Variants in DCHS2 observed in about 807,000 individuals in gnomAD.
The protein encoded by DCHS2 is dachsous cadherin-related 2.
A neutral mutation model predicts 182.4 loss-of-function variants in DCHS2; 142 were observed. The observed-to-expected ratio is 0.78, with a 90% CI of 0.68 to 0.89. The LOEUF (loss-of-function observed/expected upper bound fraction) is 0.89, where lower values mean the gene tolerates loss of function less well. Ranked by LOEUF, DCHS2 falls within the 40% of genes least tolerant of loss-of-function variation. The pLI, the probability that DCHS2 is intolerant of heterozygous loss-of-function variation, is 0.00. For synonymous variants in DCHS2, 1,740 were observed against 1,663.3 expected (o/e 1.05, Z -1.12); for missense variants, 4,319 against 4,198.6 (o/e 1.03, Z -0.79).
chr4:154,490,872 C>T lies in DCHS2; in HGVS notation c.484G>A (p.Asp162Asn). 3 of 1,551,544 alleles carry T rather than the reference C, an allele frequency of 1.9e-6. No individual in the cohort carries two copies. Among genetic ancestry groups the T allele is most frequent in the Non-Finnish European group, 2.6e-6 (3 of 1,146,926 alleles). ...QVEIRVNDVN[D>N]HSPRFPLDSL... ...TCGAGGGGAAAGCGGGGCGAGTGGTCATTCACGTCGTTGACGCGAATCTCC... is the reference window on the plus strand; with the variant it reads ...TCGAGGGGAAAGCGGGGCGAGTGGTTATTCACGTCGTTGACGCGAATCTCC... The change falls in exon 1 of 20, where the codon GAC (aspartate) becomes AAC (asparagine). Residue 162 changes from aspartate to asparagine, a missense_variant. Coordinates refer to ENST00000357232, the MANE Select transcript of DCHS2 (RefSeq NM_001358235.2).
At position 154,236,640 on chromosome 4, in the gene DCHS2, T is replaced by C. The variant is rs752553780; in HGVS notation, c.8012A>G (p.His2671Arg). Residue 2671 changes from histidine (H) to arginine (R), a missense_variant, in exon 20 of 20, where the codon CAC (histidine) becomes CGC (arginine). Coordinates refer to ENST00000357232, the MANE Select transcript of DCHS2 (RefSeq NM_001358235.2). ...NPPNFSSLSYHTHVKESTPLG... is the reference protein window; with the variant it reads ...NPPNFSSLSYRTHVKESTPLG... Reference sequence around the variant, plus strand: ...AGGGGTGCTTTCCTTGACATGGGTGTGATAGCTCAGGCTGCTGAAGTTTGG... The same window carrying C: ...AGGGGTGCTTTCCTTGACATGGGTGCGATAGCTCAGGCTGCTGAAGTTTGG... 6.2e-7 allele frequency: 1 copy of C among 1,614,008 alleles called. No individual in the cohort carries two copies. The highest frequency in any genetic ancestry group is 1.1e-5 in the South Asian group (1 of 91,072).
intron 1 of DCHS2, among the ~76,000 whole-genome samples, chr4:154,475,386 A>G (rs1471466220): frequency 6.6e-6 from 1 of 152,230 alleles, no homozygotes; most frequent in African/African-American, 2.4e-5. Context: ...CCCTTGGAGA[A>G]CAATATAAAG....
chr4:154,408,889 A>T (rs1732509236), intron 1 of DCHS2, among the ~76,000 whole-genome samples: 1 of 152,170 alleles, frequency 6.6e-6, no homozygotes, highest in South Asian at 2.1e-4. Flanking sequence ...CACTGGGAAC[A>T]TCTGAGGTTC....
At chr4:154,364,282 C>T (rs1289755109) in intron 3 of DCHS2, among the ~76,000 whole-genome samples, 1 of 152,192 alleles carries the variant, frequency 6.6e-6, no homozygotes, top group Non-Finnish European at 1.5e-5. Context: ...AAACAGAATA[C>T]AGTATAACTC....
At chr4:154,291,324 CCTTATACG>C (rs1260547280) in intron 13 of DCHS2, among the ~76,000 whole-genome samples, 2 of 151,868 alleles carry the variant, frequency 1.3e-5, no homozygotes, top group East Asian at 3.9e-4. Flanking sequence ...AAAGGGGAAT[CCTTATACG>C]CTGTTGGTGG....
intron 1 of DCHS2, among the ~76,000 whole-genome samples, chr4:154,466,911 A>G (rs1479465246): frequency 2.0e-5 from 3 of 152,208 alleles, no homozygotes; most frequent in East Asian, 1.9e-4. Context: ...CTTTACTGGC[A>G]TATAAGTAAT....
At chr4:154,300,687 G>A (rs1262322310) in intron 12 of DCHS2, among the ~76,000 whole-genome samples, 4 of 151,788 alleles carry the variant, frequency 2.6e-5, no homozygotes, top group African/African-American at 7.3e-5. Context: ...GCACAGCCTT[G>A]GTGACAGATC....
intron 3 of DCHS2, among the ~76,000 whole-genome samples, chr4:154,337,847 T>C (rs1004062981): frequency 6.6e-6 from 1 of 151,980 alleles, no homozygotes; most frequent in African/African-American, 2.4e-5. Context: ...TTCAAGCGAT[T>C]CTTCTGCCTC....
At chr4:154,321,347 A>G (rs1448662263) in intron 8 of DCHS2, 125 bp from the exon 9 acceptor site, 1 of 1,074,474 alleles carries the variant, frequency 9.3e-7, no homozygotes, top group Non-Finnish European at 1.2e-6. Flanking sequence ...AATTAGTGAG[A>G]AAAATGTCAT....
intron 1 of DCHS2, among the ~76,000 whole-genome samples, chr4:154,388,651 C>T (rs1292043454): frequency 5.3e-5 from 8 of 151,846 alleles, no homozygotes; most frequent in South Asian, 4.2e-4. Context: ...CACATCACCA[C>T]GGCTGTCTAA....
chr4:154,431,292 G>T lies in DCHS2; in HGVS notation c.2053-53848C>A, dbSNP rs7677032. Among the ~76,000 whole-genome samples the T allele has an allele frequency of 2.6e-5, 4 of 152,158 alleles. No homozygotes were observed. In the East Asian group the frequency reaches 7.7e-4, roughly 29 times the overall value. On this transcript the variant is annotated intron_variant, in intron 1 of 19. Transcript: ENST00000357232. ...TGGGGATCCTGTTTACTGAAACAAG[G>T]CAGTGTGTATGACTTAAAGAAATCA...
chr4:154,309,311 G>T (rs1048304190), intron 10 of DCHS2, among the ~76,000 whole-genome samples: 2 of 152,134 alleles, frequency 1.3e-5, no homozygotes, highest in Non-Finnish European at 2.9e-5. Flanking sequence ...CTCTCCTAGG[G>T]TTTGCCACAA....
chr4:154,306,482 C>G (rs1325024603), intron 10 of DCHS2, among the ~76,000 whole-genome samples: 4 of 151,862 alleles, frequency 2.6e-5, no homozygotes, highest in African/African-American at 9.7e-5. Flanking sequence ...ATTTGTTATT[C>G]CTATCTCTGC....
At chr4:154,294,950 G>C (rs189399694) in intron 13 of DCHS2, among the ~76,000 whole-genome samples, 1 of 152,264 alleles carries the variant, frequency 6.6e-6, no homozygotes, top group African/African-American at 2.4e-5. Flanking sequence ...TTACAACTTC[G>C]CTTCTTGTGT....
intron 7 of DCHS2, chr4:154,323,058 T>C: frequency 4.0e-6 from 3 of 755,224 alleles, no homozygotes; most frequent in Non-Finnish European, 4.0e-6. Context: ...AATCTATGGA[T>C]TCCTGCCACC....
intron 1 of DCHS2, among the ~76,000 whole-genome samples, chr4:154,397,047 G>A (rs1217763441): frequency 1.3e-5 from 2 of 152,184 alleles, no homozygotes; most frequent in Non-Finnish European, 2.9e-5. Context: ...CAAAAAGTAA[G>A]ACCCATGAAT....
intron 16 of DCHS2, 128 bp downstream of exon 16, chr4:154,255,391 C>T (rs1732605746): frequency 1.6e-6 from 2 of 1,260,564 alleles, no homozygotes; most frequent in Admixed American, 3.4e-5. Context: ...AGAATATCAA[C>T]AAGTTGGATC....
At chr4:154,267,827 T>C (rs1461458908) in intron 14 of DCHS2, among the ~76,000 whole-genome samples, 1 of 152,178 alleles carries the variant, frequency 6.6e-6, no homozygotes, top group East Asian at 1.9e-4. Flanking sequence ...TCTCCAGTAG[T>C]TTTTGTATTT....
chr4:154,370,008 A>G (rs905337204), intron 2 of DCHS2, among the ~76,000 whole-genome samples: 4 of 152,192 alleles, frequency 2.6e-5, no homozygotes, highest in African/African-American at 7.2e-5. Context: ...TGAATAGTAG[A>G]ATATTAATAA....
Sources: allele counts gnomAD v4.1 joint callset (sites outside exome capture counted in the v4.1 genomes callset), GRCh38; gene constraint gnomAD v4.1.1; transcripts MANE v1.5; gene names NCBI Gene and HGNC (gene_info 2026-07-23, HGNC 2026-07-21).